Variants in NBEA observed in about 807,000 individuals in gnomAD.
NBEA encodes neurobeachin, also known as lysosomal-trafficking regulator 2.
A neutral mutation model predicts 343.4 loss-of-function variants in NBEA; 44 were observed. The ratio of observed to expected loss-of-function variants is 0.13; its 90% CI spans 0.10 to 0.16. The LOEUF (loss-of-function observed/expected upper bound fraction) is 0.16, where lower values mean the gene tolerates loss of function less well. Among genes scored for constraint, NBEA ranks in the 10% least tolerant of loss-of-function variants. NBEA has a pLI of 1.00. For synonymous variants in NBEA, 1,175 were observed against 1,238.7 expected (o/e 0.95, Z 1.08); for missense variants, 2,555 against 3,631.3 (o/e 0.70, Z 7.62).
chr13:35,418,040 T>C (rs1321169365), intron 38 of NBEA, among the ~76,000 whole-genome samples: 1 of 152,202 alleles, frequency 6.6e-6, no homozygotes, highest in East Asian at 1.9e-4. Flanking sequence ...AAAGTCTGTT[T>C]TATCAGAGAC....
intron 47 of NBEA, among the ~76,000 whole-genome samples, chr13:35,598,564 T>G (rs2081910736): frequency 6.6e-6 from 1 of 152,224 alleles, no homozygotes; most frequent in Non-Finnish European, 1.5e-5. Context: ...GCTTTAAAAC[T>G]GTGTAGCCTT....
intron 34 of NBEA, chr13:35,251,489 AT>A: frequency 9.3e-7 from 1 of 1,077,842 alleles, no homozygotes; most frequent in Non-Finnish European, 1.1e-6. Flanking sequence ...CAGGTGAGTG[AT>A]GACCTTGTGG....
At chr13:35,510,462 T>A (rs569496336) in intron 41 of NBEA, among the ~76,000 whole-genome samples, 6 of 152,344 alleles carry the variant, frequency 3.9e-5, no homozygotes, top group Non-Finnish European at 8.8e-5. Context: ...AAAAGTAATC[T>A]GCCTTGTGTT....
rs1319925781 is a variant in NBEA at position 35,482,183 on chromosome 13, A to G, written c.6585+9647A>G. Among the ~76,000 whole-genome samples the G allele has an allele frequency of 3.3e-5, 5 of 151,894 alleles. No individual in the cohort carries two copies. The East Asian group carries it at 9.7e-4, about 29-fold the overall frequency. On this transcript the variant is annotated intron_variant, in intron 41 of 58. Transcript: ENST00000379939. ...AGATTTATTTTTTTTAATGATTAGT[A>G]ACTGGAGTAATAATTTAAAAGGATA... is the stretch of plus-strand genomic sequence containing the variant.
rs186620469 is a variant in NBEA at position 34,976,661 on chromosome 13, T to G, written c.294+33547T>G. Among the ~76,000 whole-genome samples, 638 of 150,658 alleles carry G rather than the reference T, an allele frequency of 4.2e-3. 6 individuals carry two copies. The highest frequency in any genetic ancestry group is 0.013 in the African/African-American group (539 of 41,252). ...CTTTTTTCTTTGTTTTTTGTTTTTT[T>G]TTTTTTTTCATGGAGCAGAGACTCA... On this transcript the variant is annotated intron_variant, in intron 1 of 58. Transcript: ENST00000379939.
intron 38 of NBEA, among the ~76,000 whole-genome samples, chr13:35,410,308 G>A (rs953293884): frequency 2.6e-5 from 4 of 152,126 alleles, no homozygotes; most frequent in Admixed American, 2.6e-4. Context: ...GCTTTACAGT[G>A]TCAGAATATG....
chr13:35,349,616 T>C (rs2040072754), intron 37 of NBEA, among the ~76,000 whole-genome samples: 1 of 92,722 alleles, frequency 1.1e-5, no homozygotes, highest in South Asian at 3.7e-4. Flanking sequence ...TTTCAATTTC[T>C]GTTTTATACA....
chr13:35,509,897 G>A (rs1258335679), intron 41 of NBEA, among the ~76,000 whole-genome samples: 1 of 152,134 alleles, frequency 6.6e-6, no homozygotes. Flanking sequence ...AAGGGCTTAA[G>A]GATATTAAGT....
In NBEA at chr13:35,593,455, C is replaced by G. The variant is rs1284075831; in HGVS notation, c.7296+8C>G. 2 of 1,590,074 alleles carry G rather than the reference C, an allele frequency of 1.3e-6. No individual in the cohort carries two copies. The highest frequency in any genetic ancestry group is 3.7e-5 in the Admixed American group (2 of 54,496). On this transcript the variant is annotated splice_region_variant and intron_variant, in intron 47 of 58. Coordinates refer to ENST00000379939, the MANE Select transcript of NBEA (RefSeq NM_001385012.1). The stretch of plus-strand genomic sequence containing the variant: ...GATACTTCTGATGTAAAGGTAGGCT[C>G]TTTTATTTGTTGATATTCATTAAAT...
rs116548080 is a variant in NBEA at position 35,670,054 on chromosome 13, G to A, written c.8814-847G>A. Among the ~76,000 whole-genome samples the A allele has an allele frequency of 5.7e-3, 863 of 152,230 alleles. 9 individuals are homozygous for A. Among genetic ancestry groups the A allele is most frequent in the African/African-American group, 0.02 (829 of 41,530 alleles). On this transcript the variant is annotated intron_variant, in intron 58 of 58. Coordinates refer to ENST00000379939, the MANE Select transcript of NBEA (RefSeq NM_001385012.1). ...CATCCTTGGTTTTGATTATTTTGTT[G>A]TTTTATAATGAATAGTGCATGCATA...
At chr13:35,449,883 AT>A (rs1416490069) in intron 39 of NBEA, among the ~76,000 whole-genome samples, 21 of 152,142 alleles carry the variant, frequency 1.4e-4, no homozygotes, top group Non-Finnish European at 2.9e-4. Context: ...CTAACAATCT[AT>A]TTATACATTT....
chr13:35,438,739 T>G (rs1411164379), intron 39 of NBEA, among the ~76,000 whole-genome samples: 4 of 152,228 alleles, frequency 2.6e-5, no homozygotes, highest in Non-Finnish European at 5.9e-5. Context: ...GTCAGCTCTT[T>G]TTGGTGTCAG....
At chr13:35,197,125 CACTAATT>C (rs2072672572) in intron 31 of NBEA, among the ~76,000 whole-genome samples, 1 of 152,122 alleles carries the variant, frequency 6.6e-6, no homozygotes, top group Non-Finnish European at 1.5e-5. Context: ...ATATTTTAGT[CACTAATT>C]ACTAACAGTA....
chr13:34,987,267 G>C (rs1011485435), intron 1 of NBEA, among the ~76,000 whole-genome samples: 1 of 150,912 alleles, frequency 6.6e-6, no homozygotes, highest in Admixed American at 6.6e-5. Context: ...AGCCTAGTTT[G>C]GCTGGATATG....
At chr13:35,376,715 G>A (rs1285092034) in intron 38 of NBEA, among the ~76,000 whole-genome samples, 2 of 152,184 alleles carry the variant, frequency 1.3e-5, no homozygotes, top group African/African-American at 4.8e-5. Flanking sequence ...ACTGTGAGGT[G>A]ATTAGTCTAG....
chr13:35,336,270 G>C (rs2039251888), intron 36 of NBEA, among the ~76,000 whole-genome samples: 1 of 151,978 alleles, frequency 6.6e-6, no homozygotes, highest in African/African-American at 2.4e-5. Flanking sequence ...TCATTGCAAG[G>C]AGACAAATTA....
intron 34 of NBEA, among the ~76,000 whole-genome samples, chr13:35,244,753 C>T (rs529928308): frequency 1.3e-5 from 2 of 152,098 alleles, no homozygotes; most frequent in South Asian, 4.1e-4. Context: ...CATGCATGAG[C>T]ATGGGATGTG....
chr13:35,060,460 A>G (rs547631936), intron 8 of NBEA, among the ~76,000 whole-genome samples: 5 of 151,952 alleles, frequency 3.3e-5, no homozygotes, highest in Middle Eastern at 3.4e-3. Flanking sequence ...CTCATGTGAC[A>G]TAGTGTATCC....
intron 1 of NBEA, among the ~76,000 whole-genome samples, chr13:34,993,253 T>C (rs2060825812): frequency 6.6e-6 from 1 of 152,234 alleles, no homozygotes; most frequent in South Asian, 2.1e-4. Flanking sequence ...TATTATTTTT[T>C]CAGTTATTTC....
Sources: allele counts gnomAD v4.1 joint callset (sites outside exome capture counted in the v4.1 genomes callset), GRCh38; gene constraint gnomAD v4.1.1; transcripts MANE v1.5; gene names NCBI Gene and HGNC (gene_info 2026-07-23, HGNC 2026-07-21).